UBE3C: variants seen among roughly 807,000 people sequenced by gnomAD.
The protein encoded by UBE3C is ubiquitin protein ligase E3C.
UBE3C carries 42 observed loss-of-function variants against 129.4 expected under a neutral mutation model. That is an observed-to-expected ratio of 0.32 (90% confidence interval 0.25 to 0.42). The LOEUF is 0.42. UBE3C is among the 10% of genes least tolerant of loss of function. The pLI is 1.00. For missense variants in UBE3C, 1,049 were observed against 1,319.1 expected, an observed-to-expected ratio of 0.80 and a Z score of 3.17; for synonymous variants, 510 against 492.4, an observed-to-expected ratio of 1.04 and a Z score of -0.47.
chr7:157,144,780 C>T (rs1263949873), intron 1 of UBE3C, among the ~76,000 whole-genome samples: 1 of 152,112 alleles, frequency 6.6e-6, no homozygotes, highest in Non-Finnish European at 1.5e-5. Flanking sequence ...TCCCTCACCT[C>T]ACTTTTCTCT....
chr7:157,253,938 C>A lies in UBE3C; in HGVS notation c.2695-16C>A. On this transcript the variant is annotated splice_polypyrimidine_tract_variant and intron_variant, in intron 19 of 22. Transcript: ENST00000348165. ...TACTTTGAGGATTTTGAGATCCTTACGTTTTGTATTCCCAGGTAGTTGAAC... is the reference window on the plus strand; with the variant it reads ...TACTTTGAGGATTTTGAGATCCTTAAGTTTTGTATTCCCAGGTAGTTGAAC... The A allele has an allele frequency of 6.4e-7, 1 of 1,561,930 alleles. No homozygotes were observed. The highest frequency in any genetic ancestry group is 8.7e-7 in the Non-Finnish European group (1 of 1,150,526).
intron 22 of UBE3C, among the ~76,000 whole-genome samples, chr7:157,264,718 T>C (rs1797030455): frequency 6.6e-6 from 1 of 152,132 alleles, no homozygotes; most frequent in Non-Finnish European, 1.5e-5. Context: ...ATTACAGGCA[T>C]GCACCACTAC....
Position 157,186,905 on chromosome 7 carries a change from C to T in UBE3C, c.1215C>T (p.Thr405=). Reference sequence around the variant, plus strand: ...AGAAGCTGGACACAAAGCAGCAGACCAACACCCTGCTCAACCTGGTGTGGA... The same window carrying T: ...AGAAGCTGGACACAAAGCAGCAGACTAACACCCTGCTCAACCTGGTGTGGA... ...CLKKLDTKQQ[T]NTLLNLVWRD... Residue 405 remains threonine, a synonymous_variant, in exon 10 of 23, where the codon ACC becomes ACT. Transcript: ENST00000348165. 1.2e-6 allele frequency: 2 copies of T among 1,614,142 alleles called. No homozygotes were observed. Among genetic ancestry groups the T allele is most frequent in the Non-Finnish European group, 1.7e-6 (2 of 1,180,024 alleles).
chr7:157,173,611 G>A (rs1019938329), intron 4 of UBE3C, among the ~76,000 whole-genome samples: 4 of 152,190 alleles, frequency 2.6e-5, no homozygotes, highest in East Asian at 1.9e-4. Flanking sequence ...TATATTTTAT[G>A]TATAGTTTAA....
chr7:157,242,516 T>TGTTTTTTTTTTTG (rs398048214), intron 18 of UBE3C, among the ~76,000 whole-genome samples: 1 of 127,790 alleles, frequency 7.8e-6, no homozygotes. Context: ...CCTGAGTTGT[T>TGTTTTTTTTTTTG]TTTTTTTTTT....
intron 1 of UBE3C, among the ~76,000 whole-genome samples, chr7:157,141,692 C>T (rs1807456038): frequency 2.0e-5 from 3 of 152,208 alleles, no homozygotes; most frequent in Admixed American, 2.0e-4. Flanking sequence ...TCTGTAGCCC[C>T]ACAAAGGTGA....
intron 14 of UBE3C, among the ~76,000 whole-genome samples, chr7:157,217,456 T>G (rs943036261): frequency 6.6e-6 from 1 of 151,870 alleles, no homozygotes; most frequent in Non-Finnish European, 1.5e-5. Flanking sequence ...CAGTCCTTTA[T>G]CCTTGATTTT....
rs190758960 is a variant in UBE3C at position 157,154,401 on chromosome 7, A to G, written c.67-9409A>G. ...CTGAATCCCCTAACTTCCCACCATTATTTTCTCAGTATCCTCTCAGAACAA... is the reference window on the plus strand; with the variant it reads ...CTGAATCCCCTAACTTCCCACCATTGTTTTCTCAGTATCCTCTCAGAACAA... On this transcript the variant is annotated intron_variant, in intron 1 of 22. Coordinates refer to ENST00000348165, the MANE Select transcript of UBE3C (RefSeq NM_014671.3). Among the ~76,000 whole-genome samples the G allele has an allele frequency of 3.2e-4, 49 of 152,114 alleles. No homozygotes were observed. In the East Asian group the frequency reaches 9.1e-3, roughly 28 times the overall value.
intron 19 of UBE3C, among the ~76,000 whole-genome samples, chr7:157,249,010 C>G (rs1250025540): frequency 6.6e-6 from 1 of 152,158 alleles, no homozygotes; most frequent in Non-Finnish European, 1.5e-5. Flanking sequence ...ACTTTTGTTA[C>G]TTATATCCTT....
At chr7:157,220,061 A>G (rs908932159) in intron 14 of UBE3C, among the ~76,000 whole-genome samples, 4 of 152,158 alleles carry the variant, frequency 2.6e-5, no homozygotes, top group South Asian at 2.1e-4. Context: ...AAGTACAAAA[A>G]TTAACCAGGC....
intron 18 of UBE3C, among the ~76,000 whole-genome samples, chr7:157,240,122 C>T (rs937661979): frequency 1.4e-4 from 21 of 152,172 alleles, no homozygotes; most frequent in African/African-American, 2.9e-4. Flanking sequence ...TTGCTCTTGG[C>T]ATGGCTCACT....
At chr7:157,139,386 C>A (rs538089816) in intron 1 of UBE3C, 48 bp downstream of exon 1, 4 of 1,506,796 alleles carry the variant, frequency 2.7e-6, no homozygotes, top group Non-Finnish European at 3.5e-6. Flanking sequence ...CCTGCGCGGC[C>A]GGGGCTCGGG....
At chr7:157,182,385 G>A (rs1264956192) in intron 8 of UBE3C, 57 bp downstream of exon 8, 1 of 1,556,012 alleles carries the variant, frequency 6.4e-7, no homozygotes, top group African/African-American at 1.4e-5. Context: ...ATTGGCAGAT[G>A]AGTCAAGAGA....
At chr7:157,241,818 A>T (rs1377997686) in intron 18 of UBE3C, among the ~76,000 whole-genome samples, 1 of 152,212 alleles carries the variant, frequency 6.6e-6, no homozygotes, top group African/African-American at 2.4e-5. Flanking sequence ...ACAGTGGACT[A>T]TTACTGGGCC....
rs565399015 is a variant in UBE3C at position 157,231,376 on chromosome 7, C to A, written c.2481+49C>A. ...TAGACCTCGGACCAAAAGATGTTGA[C>A]ATTTTATGTTTATGTGTGGTTGTTA... On this transcript the variant is annotated intron_variant, in intron 18 of 22. Transcript: ENST00000348165. 11 of 1,594,954 alleles carry A rather than the reference C, an allele frequency of 6.9e-6. No individual in the cohort carries two copies. In the Admixed American group the frequency reaches 1.8e-4, roughly 26 times the overall value.
At chr7:157,197,507 T>A (rs902374054) in intron 10 of UBE3C, 2 of 819,378 alleles carry the variant, frequency 2.4e-6, no homozygotes, top group Non-Finnish European at 3.4e-6. Context: ...TAAAAATAAT[T>A]TGTTTTTTTT....
At chr7:157,202,938 G>A (rs181434047) in intron 11 of UBE3C, among the ~76,000 whole-genome samples, 74 of 152,256 alleles carry the variant, frequency 4.9e-4, no homozygotes, top group Admixed American at 4.8e-3. Flanking sequence ...GGTGGGTTGG[G>A]GTGGTATATC....
chr7:157,139,669 G>C (rs1264547960), intron 1 of UBE3C, among the ~76,000 whole-genome samples: 1 of 152,248 alleles, frequency 6.6e-6, no homozygotes, highest in Non-Finnish European at 1.5e-5. Context: ...GCTGGCCGTG[G>C]CTCCCTTCCA....
At chr7:157,226,091 T>G (rs904602820) in intron 17 of UBE3C, among the ~76,000 whole-genome samples, 4 of 152,228 alleles carry the variant, frequency 2.6e-5, no homozygotes, top group African/African-American at 9.6e-5. Flanking sequence ...CCACCTCCTG[T>G]TGTCTGCCCC....
Sources: gnomAD v4.1 joint callset for allele counts (sites outside exome capture counted in the v4.1 genomes callset) on GRCh38, gnomAD v4.1.1 for gene constraint, MANE v1.5 for transcripts, NCBI Gene and HGNC (gene_info 2026-07-23, HGNC 2026-07-21) for gene names.